SLC9D1: variants seen among roughly 807,000 people sequenced by gnomAD.
SLC9D1 encodes putative LAG1-interacting protein.
chr13:113,510,466 C>A, the SLC9D1 span: 2 of 1,571,044 alleles, frequency 1.3e-6, no homozygotes, highest in South Asian at 2.3e-5. Context: ...AATTCATGCT[C>A]GTGTGTAGGT....
chr13:113,549,468 T>A, the SLC9D1 span: 2 of 1,614,112 alleles, frequency 1.2e-6, no homozygotes, highest in Non-Finnish European at 1.7e-6. Context: ...AGCCTCTTGC[T>A]CGCCCCGGTG....
the SLC9D1 span, among the ~76,000 whole-genome samples, chr13:113,525,707 G>A: frequency 2.6e-4 from 39 of 151,082 alleles, no homozygotes; most frequent in East Asian, 5.5e-3. Context: ...ACAAGCCATC[G>A]TCATCGTAGG....
the SLC9D1 span, chr13:113,548,511 G>C: frequency 6.4e-7 from 1 of 1,550,814 alleles, no homozygotes; most frequent in East Asian, 2.3e-5. Flanking sequence ...CTCTGGGTTT[G>C]AGTCGGGTGT....
At chr13:113,502,086 A>T in the SLC9D1 span, among the ~76,000 whole-genome samples, 3 of 152,192 alleles carry the variant, frequency 2.0e-5, no homozygotes, top group East Asian at 5.8e-4. Context: ...GTTACTGGAG[A>T]CAACGCCCCT....
the SLC9D1 span, among the ~76,000 whole-genome samples, chr13:113,539,893 C>G: frequency 6.6e-6 from 1 of 152,090 alleles, no homozygotes; most frequent in Non-Finnish European, 1.5e-5. The surrounding 1 kb of genome is among the most constrained non-coding windows in gnomAD (Gnocchi z 4.8). Context: ...TGCCCAGGCC[C>G]CAGTGTCTCT....
At chr13:113,531,365 G>A in the SLC9D1 span, among the ~76,000 whole-genome samples, 1 of 152,266 alleles carries the variant, frequency 6.6e-6, no homozygotes, top group African/African-American at 2.4e-5. Context: ...TGGGAAGCTT[G>A]TCCAAACACG....
the SLC9D1 span, chr13:113,514,374 C>T: frequency 6.6e-6 from 1 of 152,178 alleles, no homozygotes; most frequent in African/African-American, 2.4e-5. Context: ...GGAAAATAGG[C>T]AGAATATCTG....
At chr13:113,537,313 A>G in the SLC9D1 span, among the ~76,000 whole-genome samples, 3 of 152,190 alleles carry the variant, frequency 2.0e-5, no homozygotes, top group Non-Finnish European at 4.4e-5. Flanking sequence ...AGGAATCCCC[A>G]TGGCGCTCAG....
chr13:113,497,554 TAGCTGTGTGAGACCTGC>T, the SLC9D1 span, among the ~76,000 whole-genome samples: 9 of 126,938 alleles, frequency 7.1e-5, no homozygotes, highest in African/African-American at 1.9e-4. Context: ...GCGAGACTTG[TAGCTGTGTGAGACCTGC>T]AGCTGTGTGA....
At chr13:113,504,412 C>T in the SLC9D1 span, 31,791 of 152,052 alleles carry the variant, frequency 0.21, 4,008 homozygotes, top group African/African-American at 0.35. Context: ...TAGTGGTGAT[C>T]TGTGAGATTT....
the SLC9D1 span, among the ~76,000 whole-genome samples, chr13:113,544,087 G>A: frequency 8.5e-5 from 13 of 152,228 alleles, no homozygotes; most frequent in Non-Finnish European, 1.6e-4. Context: ...GCAGAAACCC[G>A]GGTGGAGCTC....
chr13:113,549,940 A>C, the SLC9D1 span: 1 of 440,822 alleles, frequency 2.3e-6, no homozygotes, highest in East Asian at 4.2e-5. Context: ...ATAATCTGTT[A>C]GTCAAATATT....
At chr13:113,549,807 A>G in the SLC9D1 span, 10 of 583,754 alleles carry the variant, frequency 1.7e-5, no homozygotes, top group East Asian at 2.9e-4. Context: ...TGGTGCCTGG[A>G]TGTGCCTTTT....
chr13:113,547,065 A>C, the SLC9D1 span: 1 of 524,054 alleles, frequency 1.9e-6, no homozygotes, highest in Non-Finnish European at 3.5e-6. Context: ...TGTTGCAGGG[A>C]GTGGAGCTGG....
chr13:113,503,462 T>TTAA, the SLC9D1 span: 1 of 1,533,166 alleles, frequency 6.5e-7, no homozygotes, highest in South Asian at 1.1e-5. Flanking sequence ...GTTAAACATG[T>TTAA]ACAATTATAT....
chr13:113,509,736 G>A, the SLC9D1 span, among the ~76,000 whole-genome samples: 6 of 152,156 alleles, frequency 3.9e-5, no homozygotes, highest in South Asian at 2.1e-4. Context: ...TTTATATGTC[G>A]GTAGTTTTTA....
the SLC9D1 span, chr13:113,549,966 C>A: frequency 2.7e-6 from 1 of 365,438 alleles, no homozygotes; most frequent in Non-Finnish European, 4.9e-6. Flanking sequence ...TTAAACATTT[C>A]TGTAATATGA....
the SLC9D1 span, among the ~76,000 whole-genome samples, chr13:113,542,507 A>G: frequency 5.9e-5 from 9 of 152,244 alleles, no homozygotes; most frequent in African/African-American, 2.2e-4. Flanking sequence ...GTGCCCACAC[A>G]GGGCAAGTGG....
chr13:113,524,681 T>C, the SLC9D1 span, among the ~76,000 whole-genome samples: 28,023 of 152,030 alleles, frequency 0.18, 3,388 homozygotes, highest in African/African-American at 0.35. Flanking sequence ...GTAATTCACT[T>C]TATCTGATAT....
Sources: gnomAD v4.1 joint callset for allele counts (sites outside exome capture counted in the v4.1 genomes callset) on GRCh38, gnomAD v4.1.1 for gene constraint, Gnocchi (gnomAD v3.1) non-coding constraint, MANE v1.5 for transcripts, NCBI Gene and HGNC (gene_info 2026-07-23, HGNC 2026-07-21) for gene names.